AIG1: variants seen among roughly 807,000 people sequenced by gnomAD.
AIG1 encodes the protein androgen-induced gene 1 protein.
In AIG1, 23 loss-of-function variants were observed where a neutral mutation model predicts 31.4. That is an observed-to-expected ratio of 0.73 (90% CI 0.53 to 1.04). AIG1 has a LOEUF of 1.04. Ranked by LOEUF, AIG1 falls within the 50% of genes least tolerant of loss-of-function variation. AIG1 has a pLI of 0.00. For missense variants in AIG1, 274 were observed against 295.0 expected (o/e 0.93, Z 0.52); for synonymous variants, 100 against 110.5 (o/e 0.90, Z 0.60).
At chr6:143,106,239 C>G (rs1307189951) in intron 1 of AIG1, among the ~76,000 whole-genome samples, 2 of 152,104 alleles carry the variant, frequency 1.3e-5, no homozygotes, top group Non-Finnish European at 2.9e-5. Context: ...GGGAGTGATG[C>G]TTCTACAAGC....
At chr6:143,265,607 T>TC (rs778961821) in intron 3 of AIG1, among the ~76,000 whole-genome samples, 7 of 152,292 alleles carry the variant, frequency 4.6e-5, no homozygotes, top group Admixed American at 1.3e-4. Context: ...TTGTTTCCAT[T>TC]CCCCAAAGGA....
rs1414837986 is a variant in AIG1 at position 143,256,981 on chromosome 6, G to A, written c.400-27129G>A. ...ATCTTAAATGATATAATTGGCTTTG[G>A]AAGCATTTTTAAGCTTTAGTCTCAT... On this transcript the variant is annotated intron_variant, in intron 3 of 5. Coordinates refer to ENST00000357847, the MANE Select transcript of AIG1 (RefSeq NM_016108.4). The surrounding 1 kb of genome is among the most constrained non-coding windows in gnomAD (Gnocchi z 4.6). 6.6e-6 allele frequency among the ~76,000 whole-genome samples: 1 copy of A among 152,180 alleles called. No individual in the cohort carries two copies. The highest frequency in any genetic ancestry group is 2.4e-5 in the African/African-American group (1 of 41,432).
rs117433100 is a variant in AIG1 at position 143,201,573 on chromosome 6, G to A, written c.399+36390G>A. On this transcript the variant is annotated intron_variant, in intron 3 of 5. Coordinates refer to ENST00000357847, the MANE Select transcript of AIG1 (RefSeq NM_016108.4). Reference sequence around the variant, plus strand: ...TTGGTTACAGACAGGACTATCCTCCGTGGGTCCCACAAGTAGAAGGGACCC... The same window carrying A: ...TTGGTTACAGACAGGACTATCCTCCATGGGTCCCACAAGTAGAAGGGACCC... 5.3e-4 allele frequency among the ~76,000 whole-genome samples: 81 copies of A among 152,242 alleles called. No homozygotes were observed. In the East Asian group the frequency reaches 0.013, roughly 25 times the overall value.
intron 3 of AIG1, among the ~76,000 whole-genome samples, chr6:143,179,387 T>C (rs143649015): frequency 6.6e-6 from 1 of 152,342 alleles, no homozygotes. Flanking sequence ...AGTCTCTACA[T>C]AGTTTCTAGG....
Position 143,061,059 on chromosome 6 carries a change from T to C in AIG1, c.134T>C (p.Ile45Thr). 6.2e-7 allele frequency: 1 copy of C among 1,612,702 alleles called. No individual in the cohort carries two copies. The highest frequency in any genetic ancestry group is 8.5e-7 in the Non-Finnish European group (1 of 1,179,272). ...YGGSWKFLTF[I>T]DLVIQAVFFG... ...GGGAGCTGGAAATTCCTGACGTTCA[T>C]TGATCTGGTAAGGCCGTCCCCTCCC... The change falls in exon 1 of 6, where the codon ATT becomes ACT. Residue 45 changes from isoleucine to threonine, a missense_variant. Coordinates refer to ENST00000357847, the MANE Select transcript of AIG1 (RefSeq NM_016108.4).
intron 4 of AIG1, among the ~76,000 whole-genome samples, chr6:143,316,567 A>G (rs1262215515): frequency 6.6e-6 from 1 of 152,152 alleles, no homozygotes; most frequent in African/African-American, 2.4e-5. Flanking sequence ...GCACAAAGAG[A>G]CAATCTAAGA....
intron 1 of AIG1, among the ~76,000 whole-genome samples, chr6:143,117,071 G>C (rs1325525816): frequency 6.6e-6 from 1 of 152,094 alleles, no homozygotes; most frequent in African/African-American, 2.4e-5. Context: ...GTGTGCTTAA[G>C]TTATTGCTGT....
intron 3 of AIG1, chr6:143,189,239 T>C: frequency 2.4e-6 from 1 of 423,074 alleles, no homozygotes; most frequent in Non-Finnish European, 3.2e-6. Flanking sequence ...GTAGAGACAA[T>C]GGGCTCACTA....
At chr6:143,140,743 A>G (rs1263887164) in intron 2 of AIG1, among the ~76,000 whole-genome samples, 1 of 152,270 alleles carries the variant, frequency 6.6e-6, no homozygotes, top group Non-Finnish European at 1.5e-5. Flanking sequence ...TAGCATAAAA[A>G]TGCTTATCAT....
In AIG1 at chr6:143,288,225, G is replaced by A. The variant is rs1392158729; in HGVS notation, c.515+4000G>A. On this transcript the variant is annotated intron_variant, in intron 4 of 5. Coordinates refer to ENST00000357847, the MANE Select transcript of AIG1 (RefSeq NM_016108.4). This position sits in a 1 kb window ranked among gnomAD's most constrained non-coding sequence, Gnocchi z 4.4. ...CCTTTCAGTCTGCAAGATACAGAAA[G>A]AGGAAACCAACTCAGACCCTAGGAA... Among the ~76,000 whole-genome samples, 1 of 152,160 alleles carries A rather than the reference G, an allele frequency of 6.6e-6. No individual in the cohort carries two copies. Among genetic ancestry groups the A allele is most frequent in the Non-Finnish European group, 1.5e-5 (1 of 68,028 alleles).
chr6:143,187,332 G>C, intron 3 of AIG1: 2 of 1,401,440 alleles, frequency 1.4e-6, no homozygotes, highest in Non-Finnish European at 2.0e-6. Flanking sequence ...GAACTAATCA[G>C]ACCACAGATA....
At chr6:143,179,569 G>A (rs1295620457) in intron 3 of AIG1, among the ~76,000 whole-genome samples, 1 of 152,114 alleles carries the variant, frequency 6.6e-6, no homozygotes, top group Admixed American at 6.6e-5. Context: ...CAGGGCTTTC[G>A]TTTTTGATTT....
intron 3 of AIG1, among the ~76,000 whole-genome samples, chr6:143,278,707 G>A (rs2128674877): frequency 6.6e-6 from 1 of 152,000 alleles, no homozygotes; most frequent in African/African-American, 2.4e-5. Flanking sequence ...GACCTCAGGT[G>A]ATCCGCCCGC....
chr6:143,317,438 G>A (rs1287977398), intron 4 of AIG1, among the ~76,000 whole-genome samples: 1 of 151,972 alleles, frequency 6.6e-6, no homozygotes, highest in Non-Finnish European at 1.5e-5. Flanking sequence ...AGAAAAAGCA[G>A]TTGACAAAAT....
downstream of AIG1, chr6:143,342,494 G>T: frequency 1.3e-6 from 1 of 791,554 alleles, no homozygotes; most frequent in Non-Finnish European, 2.3e-6. Context: ...TTCCTCTGGT[G>T]GAAGAAACAG....
At chr6:143,341,928 T>A (rs567582850), downstream of AIG1, among the ~76,000 whole-genome samples, 22 of 151,952 alleles carry the variant, frequency 1.4e-4, 1 homozygote, top group African/African-American at 3.4e-4. Context: ...TACTAAAAAA[T>A]TTTTTTTTGT....
chr6:143,261,858 G>A (rs779207440), intron 3 of AIG1, among the ~76,000 whole-genome samples: 2 of 152,230 alleles, frequency 1.3e-5, no homozygotes, highest in Non-Finnish European at 2.9e-5. Context: ...ACGTCTTGAT[G>A]TCTTTTTCCT....
chr6:143,202,045 C>T (rs1312009876), intron 3 of AIG1, among the ~76,000 whole-genome samples: 2 of 152,118 alleles, frequency 1.3e-5, no homozygotes, highest in African/African-American at 4.8e-5. Flanking sequence ...CAAAGATACC[C>T]AGTTAATGCA....
chr6:143,091,723 A>G (rs1168036811), intron 1 of AIG1, among the ~76,000 whole-genome samples: 1 of 152,246 alleles, frequency 6.6e-6, no homozygotes, highest in Non-Finnish European at 1.5e-5. Context: ...AAAACAATAT[A>G]AACTGGAGAG....
Sources: allele counts gnomAD v4.1 joint callset (sites outside exome capture counted in the v4.1 genomes callset), GRCh38; gene constraint gnomAD v4.1.1; non-coding constraint Gnocchi (gnomAD v3.1); transcripts MANE v1.5; gene names NCBI Gene and HGNC (gene_info 2026-07-23, HGNC 2026-07-21).